The following GRIA4 variants were observed in gnomAD, a reference collection of about 807,000 sequenced individuals.
GRIA4 encodes glutamate ionotropic receptor AMPA type subunit 4.
In GRIA4, 34 loss-of-function variants were observed where a neutral mutation model predicts 104.0. The ratio of observed to expected loss-of-function variants is 0.33; its 90% CI spans 0.25 to 0.44. GRIA4 has a LOEUF of 0.44. Ranked by LOEUF, GRIA4 falls within the 20% of genes least tolerant of loss-of-function variation. GRIA4 has a pLI of 1.00. For synonymous variants in GRIA4, 386 were observed against 381.9 expected (o/e 1.01, Z -0.13); for missense variants, 750 against 1,096.5 (o/e 0.68, Z 4.46).
At chr11:105,682,527 T>C (rs1186349007) in intron 3 of GRIA4, among the ~76,000 whole-genome samples, 5 of 152,158 alleles carry the variant, frequency 3.3e-5, no homozygotes, top group Non-Finnish European at 7.4e-5. Flanking sequence ...GTACTTATGG[T>C]TTAACAACCT....
chr11:105,775,183 C>T (rs1941395377), intron 4 of GRIA4, among the ~76,000 whole-genome samples: 1 of 152,196 alleles, frequency 6.6e-6, no homozygotes, highest in South Asian at 2.1e-4. Flanking sequence ...TTGCATCCCT[C>T]TTACCAGGAC....
chr11:105,886,073 A>G (rs1198009225), intron 5 of GRIA4, among the ~76,000 whole-genome samples: 1 of 152,226 alleles, frequency 6.6e-6, no homozygotes, highest in Non-Finnish European at 1.5e-5. Context: ...AAATAGAAAG[A>G]AGGTCTTGAA....
intron 4 of GRIA4, among the ~76,000 whole-genome samples, chr11:105,859,738 A>C (rs1383873864): frequency 6.6e-6 from 1 of 152,194 alleles, no homozygotes; most frequent in Non-Finnish European, 1.5e-5. Flanking sequence ...CAAACAAAAA[A>C]AATCTTAGCA....
At chr11:105,761,774 T>A (rs1591210124) in intron 4 of GRIA4, among the ~76,000 whole-genome samples, 1 of 152,182 alleles carries the variant, frequency 6.6e-6, no homozygotes, top group Non-Finnish European at 1.5e-5. Context: ...CCATTCATAG[T>A]TTACACTTTA....
chr11:105,794,035 A>G (rs567906955), intron 4 of GRIA4, among the ~76,000 whole-genome samples: 1 of 152,210 alleles, frequency 6.6e-6, no homozygotes, highest in South Asian at 2.1e-4. Context: ...GAATTGCATG[A>G]GCAAACACAA....
intron 4 of GRIA4, among the ~76,000 whole-genome samples, chr11:105,848,724 AC>A: frequency 6.6e-6 from 1 of 152,306 alleles, no homozygotes; most frequent in East Asian, 1.9e-4. Flanking sequence ...AGCTTTAGGG[AC>A]ACCAACAAGA....
At chr11:105,948,595 G>GTTTTTTTTTTTTTTTTTTTTTTTTTT (rs3060323) in intron 14 of GRIA4, among the ~76,000 whole-genome samples, 3 of 87,870 alleles carry the variant, frequency 3.4e-5, no homozygotes, top group Non-Finnish European at 2.1e-5. Context: ...TTTTCTTTTT[G>GTTTTTTTTTTTTTTTTTTTTTTTTTT]TTTTTTTTTT....
chr11:105,861,548 CAATA>C (rs1333968681), intron 4 of GRIA4, among the ~76,000 whole-genome samples: 1 of 152,082 alleles, frequency 6.6e-6, no homozygotes, highest in Admixed American at 6.6e-5. Flanking sequence ...AATGAGTCCT[CAATA>C]AATACTGTTG....
At chr11:105,743,299 C>T (rs1020399763) in intron 3 of GRIA4, among the ~76,000 whole-genome samples, 1 of 152,110 alleles carries the variant, frequency 6.6e-6, no homozygotes, top group African/African-American at 2.4e-5. Context: ...TTAACAACAA[C>T]CTGATAAAGT....
At chr11:105,787,471 C>CTT (rs1942020319) in intron 4 of GRIA4, among the ~76,000 whole-genome samples, 1 of 96,792 alleles carries the variant, frequency 1.0e-5, no homozygotes, top group African/African-American at 4.1e-5. Flanking sequence ...GTAAAGAATT[C>CTT]CTTTTTTTTT....
intron 4 of GRIA4, among the ~76,000 whole-genome samples, chr11:105,857,414 C>G (rs746796491): frequency 1.2e-4 from 18 of 152,058 alleles, no homozygotes; most frequent in Non-Finnish European, 2.5e-4. Flanking sequence ...ATGAGGGAGG[C>G]TTTAATTTAA....
At chr11:105,787,081 A>G (rs1942001019) in intron 4 of GRIA4, among the ~76,000 whole-genome samples, 1 of 152,194 alleles carries the variant, frequency 6.6e-6, no homozygotes, top group Non-Finnish European at 1.5e-5. Flanking sequence ...TGAAAGGAAC[A>G]GAGAGACTAT....
intron 4 of GRIA4, among the ~76,000 whole-genome samples, chr11:105,783,285 G>C (rs1270242083): frequency 6.6e-6 from 1 of 152,110 alleles, no homozygotes; most frequent in Admixed American, 6.6e-5. Flanking sequence ...AATCTAATAG[G>C]AACAATTTAA....
chr11:105,723,588 T>C (rs1937983986), intron 3 of GRIA4, among the ~76,000 whole-genome samples: 1 of 152,114 alleles, frequency 6.6e-6, no homozygotes, highest in East Asian at 1.9e-4. Flanking sequence ...ACTAATTTAT[T>C]TCCCTTAATT....
At chr11:105,829,412 G>A (rs149423846) in intron 4 of GRIA4, among the ~76,000 whole-genome samples, 105 of 152,132 alleles carry the variant, frequency 6.9e-4, no homozygotes, top group Middle Eastern at 6.8e-3. Context: ...CACAAATTGA[G>A]GAGACTTCAG....
At chr11:105,795,595 G>T (rs1486291048) in intron 4 of GRIA4, among the ~76,000 whole-genome samples, 1 of 152,090 alleles carries the variant, frequency 6.6e-6, no homozygotes, top group African/African-American at 2.4e-5. Flanking sequence ...GTAATGGAAA[G>T]CTAGTGATGG....
chr11:105,727,463 T>C (rs1419275251), intron 3 of GRIA4, among the ~76,000 whole-genome samples: 1 of 152,066 alleles, frequency 6.6e-6, no homozygotes, highest in East Asian at 1.9e-4. Flanking sequence ...TTCAGAATAT[T>C]ATCCAGGAGA....
chr11:105,805,478 G>GAAAAAAAAAAAA (rs57123559), intron 4 of GRIA4, among the ~76,000 whole-genome samples: 10 of 92,472 alleles, frequency 1.1e-4, no homozygotes, highest in South Asian at 3.6e-4. Flanking sequence ...AAGAAATCAG[G>GAAAAAAAAAAAA]AAAAAAAAAA....
At chr11:105,696,090 T>C (rs1953268041) in intron 3 of GRIA4, among the ~76,000 whole-genome samples, 1 of 152,230 alleles carries the variant, frequency 6.6e-6, no homozygotes, top group East Asian at 1.9e-4. Context: ...GACTTTTATG[T>C]TGGCTGCCCT....
Sources: allele counts gnomAD v4.1 joint callset (sites outside exome capture counted in the v4.1 genomes callset), GRCh38; gene constraint gnomAD v4.1.1; transcripts MANE v1.5; gene names NCBI Gene and HGNC (gene_info 2026-07-23, HGNC 2026-07-21).